Variants in NPAS3 observed in about 807,000 individuals in gnomAD.
NPAS3 encodes the protein neuronal PAS domain protein 3.
Under a neutral mutation model 73.1 loss-of-function variants are expected in NPAS3, and 14 were observed. That is an observed-to-expected ratio of 0.19 (90% CI 0.13 to 0.30). The LOEUF (loss-of-function observed/expected upper bound fraction) is 0.30, where lower values mean the gene tolerates loss of function less well. NPAS3 is among the 10% of genes least tolerant of loss of function. The pLI is 1.00. For synonymous variants in NPAS3, 620 were observed against 541.5 expected, an observed-to-expected ratio of 1.14 and a Z score of -2.01; for missense variants, 1,096 against 1,250.0, an observed-to-expected ratio of 0.88 and a Z score of 1.86.
chr14:33,714,889 G>A (rs1020806660), intron 6 of NPAS3, among the ~76,000 whole-genome samples: 3 of 152,134 alleles, frequency 2.0e-5, no homozygotes, highest in Non-Finnish European at 4.4e-5. Context: ...GATGTACAAA[G>A]TGATGCTACA....
At chr14:32,994,165 G>A (rs2038456010) in intron 1 of NPAS3, among the ~76,000 whole-genome samples, 1 of 152,136 alleles carries the variant, frequency 6.6e-6, no homozygotes, top group Admixed American at 6.6e-5. Context: ...GAAGTTATTT[G>A]TTACTTTGTT....
At chr14:33,447,269 A>C (rs991524161) in intron 4 of NPAS3, among the ~76,000 whole-genome samples, 2 of 152,240 alleles carry the variant, frequency 1.3e-5, no homozygotes, top group Admixed American at 6.5e-5. Flanking sequence ...AGAGAATTCT[A>C]AATGCAAGAA....
At chr14:33,292,072 A>G (rs1287914339) in intron 3 of NPAS3, among the ~76,000 whole-genome samples, 1 of 152,256 alleles carries the variant, frequency 6.6e-6, no homozygotes, top group Non-Finnish European at 1.5e-5. Context: ...CTCATGTAGT[A>G]TAATATACAT....
intron 5 of NPAS3, among the ~76,000 whole-genome samples, chr14:33,662,865 TTTCC>T (rs1567101671): frequency 2.0e-5 from 3 of 147,246 alleles, no homozygotes. Context: ...ACAATGGGGT[TTTCC>T]TTTTTTTTTT....
intron 4 of NPAS3, among the ~76,000 whole-genome samples, chr14:33,530,930 A>G (rs967648208): frequency 6.6e-6 from 1 of 152,086 alleles, no homozygotes; most frequent in African/African-American, 2.4e-5. Flanking sequence ...GGAACTGCAC[A>G]TGGTTTCCTC....
intron 4 of NPAS3, among the ~76,000 whole-genome samples, chr14:33,515,190 C>A (rs1369202352): frequency 6.6e-6 from 1 of 152,108 alleles, no homozygotes; most frequent in African/African-American, 2.4e-5. Context: ...TCACTTCATA[C>A]CCCTAGGTTA....
intron 2 of NPAS3, among the ~76,000 whole-genome samples, chr14:33,114,049 T>A (rs2042982287): frequency 6.6e-6 from 1 of 152,140 alleles, no homozygotes; most frequent in African/African-American, 2.4e-5. Context: ...TTTCTTTTTT[T>A]AATTGAGACA....
chr14:33,223,956 T>C (rs1345698131), intron 3 of NPAS3, among the ~76,000 whole-genome samples: 2 of 152,146 alleles, frequency 1.3e-5, no homozygotes, highest in Non-Finnish European at 2.9e-5. Context: ...GTACAAAATA[T>C]ATGATAAAGA....
rs140518645 is a variant in NPAS3, at chr14:33,340,609, A to G, written c.386-26577A>G. The stretch of plus-strand genomic sequence containing the variant: ...TTATTTATAGGTTAAATGATAAAAC[A>G]TGAAAGTACCCAAATACATTGTTAT... On this transcript the variant is annotated intron_variant, in intron 3 of 11. Transcript: ENST00000356141. 6.6e-5 allele frequency among the ~76,000 whole-genome samples: 10 copies of G among 152,358 alleles called. No individual in the cohort carries two copies. The East Asian group carries it at 1.7e-3, about 26-fold the overall frequency.
At chr14:33,801,469 T>C (rs1192052467), downstream of NPAS3, 7 of 284,824 alleles carry the variant, frequency 2.5e-5, no homozygotes, top group South Asian at 1.2e-4. Flanking sequence ...GTGACAACCA[T>C]TGGGGTTTCT....
At chr14:33,233,920 C>G (rs1346474764) in intron 3 of NPAS3, among the ~76,000 whole-genome samples, 2 of 152,136 alleles carry the variant, frequency 1.3e-5, no homozygotes, top group African/African-American at 4.8e-5. Context: ...CCTATTCAGA[C>G]TGTCTAATGA....
intron 3 of NPAS3, among the ~76,000 whole-genome samples, chr14:33,292,691 G>A (rs2140116404): frequency 6.6e-6 from 1 of 152,228 alleles, no homozygotes; most frequent in Admixed American, 6.5e-5. Flanking sequence ...AACAGATAAA[G>A]TAGAACTTCT....
At chr14:33,636,896 G>T (rs1194926449) in intron 5 of NPAS3, among the ~76,000 whole-genome samples, 1 of 129,414 alleles carries the variant, frequency 7.7e-6, no homozygotes, top group African/African-American at 3.9e-5. Context: ...GAGGACACTC[G>T]GAGTGTGCAC....
chr14:33,644,001 AT>A (rs2058752767), intron 5 of NPAS3, among the ~76,000 whole-genome samples: 1 of 152,058 alleles, frequency 6.6e-6, no homozygotes, highest in Admixed American at 6.6e-5. Flanking sequence ...GATCTTTATG[AT>A]GTATTTTCTG....
At chr14:33,170,267 A>G (rs765727554) in intron 2 of NPAS3, among the ~76,000 whole-genome samples, 4 of 152,216 alleles carry the variant, frequency 2.6e-5, no homozygotes, top group Non-Finnish European at 2.9e-5. Context: ...TAAGGGTGCA[A>G]TAGCCTTATG....
intron 3 of NPAS3, among the ~76,000 whole-genome samples, chr14:33,276,361 TGTAGATCTTATCTGAAATTG>T (rs1305255307): frequency 6.6e-6 from 1 of 152,176 alleles, no homozygotes; most frequent in Admixed American, 6.5e-5. Flanking sequence ...TAGTATCTCT[TGTAGATCTTATCTGAAATTG>T]GTAACCTTCT....
intron 4 of NPAS3, among the ~76,000 whole-genome samples, chr14:33,395,855 C>A (rs1443157461): frequency 6.6e-6 from 1 of 152,156 alleles, no homozygotes; most frequent in Non-Finnish European, 1.5e-5. Flanking sequence ...AGGTATCAGG[C>A]ACTTTCCATA....
At chr14:32,995,576 A>G (rs1260295655) in intron 1 of NPAS3, among the ~76,000 whole-genome samples, 1 of 152,154 alleles carries the variant, frequency 6.6e-6, no homozygotes, top group Non-Finnish European at 1.5e-5. Context: ...ATTGTGGGAG[A>G]TGATTTAAAC....
chr14:33,075,256 A>G (rs1397786315), intron 2 of NPAS3, among the ~76,000 whole-genome samples: 11 of 152,126 alleles, frequency 7.2e-5, no homozygotes. Context: ...GTCCCTCTAT[A>G]TTTTTCGTCA....
Sources: allele counts gnomAD v4.1 joint callset (sites outside exome capture counted in the v4.1 genomes callset), GRCh38; gene constraint gnomAD v4.1.1; transcripts MANE v1.5; gene names NCBI Gene and HGNC (gene_info 2026-07-23, HGNC 2026-07-21).